Variants in OTUD7A observed in about 807,000 individuals in gnomAD.
OTUD7A encodes the protein OTU deubiquitinase 7A.
A neutral mutation model predicts 65.7 loss-of-function variants in OTUD7A; 12 were observed. The ratio of observed to expected loss-of-function variants is 0.18; its 90% CI spans 0.12 to 0.30. The LOEUF is 0.30. Among genes scored for constraint, OTUD7A ranks in the 10% least tolerant of loss-of-function variants. The pLI is 1.00. For synonymous variants in OTUD7A, 641 were observed against 586.3 expected, an observed-to-expected ratio of 1.09 and a Z score of -1.35; for missense variants, 1,148 against 1,304.8, an observed-to-expected ratio of 0.88 and a Z score of 1.85.
chr15:31,830,503 C>G (rs1502997), intron 1 of OTUD7A, among the ~76,000 whole-genome samples: 152,370 of 152,380 alleles, frequency 1, 76,180 homozygotes, highest in Non-Finnish European at 1. Flanking sequence ...GGCTCAGACT[C>G]GTCAATTTTG....
chr15:31,812,811 T>C (rs1182112617), intron 1 of OTUD7A, among the ~76,000 whole-genome samples: 2 of 152,184 alleles, frequency 1.3e-5, no homozygotes, highest in Non-Finnish European at 2.9e-5. Flanking sequence ...GGAGCTTTGC[T>C]AGTCCAAGCC....
At chr15:31,728,304 T>G (rs751156432) in intron 1 of OTUD7A, among the ~76,000 whole-genome samples, 3 of 152,190 alleles carry the variant, frequency 2.0e-5, no homozygotes, top group Non-Finnish European at 4.4e-5. Context: ...GGCTACTGGA[T>G]TCTCCCCATT....
chr15:31,807,697 G>GC (rs1191007978), intron 1 of OTUD7A, among the ~76,000 whole-genome samples: 1 of 152,060 alleles, frequency 6.6e-6, no homozygotes. Context: ...CATCAGCAGA[G>GC]CCCCCTGGAG....
chr15:31,845,998 C>T (rs922232935), intron 1 of OTUD7A, among the ~76,000 whole-genome samples: 3 of 152,330 alleles, frequency 2.0e-5, no homozygotes, highest in Middle Eastern at 3.4e-3. Context: ...CTCAGCTGTT[C>T]CAGGGGCTGC....
intron 1 of OTUD7A, among the ~76,000 whole-genome samples, chr15:31,864,048 G>A (rs564412101): frequency 1.2e-4 from 19 of 152,160 alleles, no homozygotes; most frequent in Admixed American, 1.3e-4. Context: ...CAGTCTCTTC[G>A]CTAAAACATA....
Position 31,484,112 on chromosome 15 carries a change from C to T in OTUD7A, c.1984G>A (p.Gly662Ser), listed in dbSNP as rs371398471. The T allele has an allele frequency of 8.7e-6, 14 of 1,606,124 alleles. No individual in the cohort carries two copies. Among genetic ancestry groups the T allele is most frequent in the African/African-American group, 6.7e-5 (5 of 74,822 alleles). ...TCCTGCGCGCTCGTCAGGTAGTAGC[C>T]GATCATCTCCTCGTGGAACTGGTGC... Reference protein sequence around the residue: ...HRHQFHEEMIGYYLTSAQERF... With the variant: ...HRHQFHEEMISYYLTSAQERF... Residue 662 changes from glycine to serine, a missense_variant, in exon 13 of 13, where the codon GGC (glycine) becomes AGC (serine). Physicochemically the swap from Gly to Ser is moderately conservative, Grantham distance 56 (BLOSUM62 0). This residue lies in a region of OTUD7A where 842 missense variants were observed against 769.5 expected (regional missense o/e 1.09). Coordinates refer to ENST00000307050, the MANE Select transcript of OTUD7A (RefSeq NM_001382637.1). The surrounding 1 kb of genome is among the most constrained non-coding windows in gnomAD (Gnocchi z 4.5).
chr15:31,752,485 G>T (rs1300122416), intron 1 of OTUD7A, among the ~76,000 whole-genome samples: 1 of 152,104 alleles, frequency 6.6e-6, no homozygotes, highest in Non-Finnish European at 1.5e-5. Flanking sequence ...TGAACATTTT[G>T]TACTCTGTTA....
At chr15:31,659,120 A>G (rs1168270212) in intron 1 of OTUD7A, among the ~76,000 whole-genome samples, 3 of 152,214 alleles carry the variant, frequency 2.0e-5, no homozygotes, top group Non-Finnish European at 4.4e-5. Flanking sequence ...AAGCTCAAAT[A>G]AAACACTGCT....
At chr15:31,713,898 T>C (rs911679607) in intron 1 of OTUD7A, among the ~76,000 whole-genome samples, 1 of 148,982 alleles carries the variant, frequency 6.7e-6, no homozygotes, top group Non-Finnish European at 1.5e-5. Flanking sequence ...TGCTCAACCT[T>C]ATTAGTCATC....
chr15:31,775,675 C>T (rs566976012), intron 1 of OTUD7A, among the ~76,000 whole-genome samples: 1 of 152,286 alleles, frequency 6.6e-6, no homozygotes, highest in Non-Finnish European at 1.5e-5. Context: ...CTCCTAACCC[C>T]GTTCTACTAA....
At chr15:31,758,973 G>A (rs1255537827) in intron 1 of OTUD7A, among the ~76,000 whole-genome samples, 3 of 152,188 alleles carry the variant, frequency 2.0e-5, no homozygotes, top group Admixed American at 6.5e-5. Flanking sequence ...CCCCCTCCAG[G>A]GTTTAGAATC....
At chr15:31,801,013 A>G (rs1896108710) in intron 1 of OTUD7A, among the ~76,000 whole-genome samples, 2 of 151,600 alleles carry the variant, frequency 1.3e-5, no homozygotes, top group African/African-American at 4.9e-5. Context: ...CCTACAGAAA[A>G]TACACACGCA....
intron 1 of OTUD7A, among the ~76,000 whole-genome samples, chr15:31,744,337 A>G (rs894972577): frequency 6.6e-6 from 1 of 152,180 alleles, no homozygotes; most frequent in East Asian, 1.9e-4. Flanking sequence ...CAACATGAAC[A>G]TTGCCATAAT....
intron 1 of OTUD7A, among the ~76,000 whole-genome samples, chr15:31,739,694 G>A (rs1170207665): frequency 1.3e-5 from 2 of 152,116 alleles, no homozygotes; most frequent in Admixed American, 6.6e-5. Flanking sequence ...CCAGAATCAA[G>A]TGATTCTTGT....
chr15:31,778,849 T>C (rs1213981823), intron 1 of OTUD7A, among the ~76,000 whole-genome samples: 9 of 152,162 alleles, frequency 5.9e-5, no homozygotes, highest in African/African-American at 2.4e-5. Flanking sequence ...TCAAGTATAA[T>C]GTCTTCACTA....
intron 1 of OTUD7A, among the ~76,000 whole-genome samples, chr15:31,720,490 C>T (rs558162417): frequency 6.6e-6 from 1 of 151,872 alleles, no homozygotes; most frequent in Non-Finnish European, 1.5e-5. Context: ...GGCTCTGCCC[C>T]CCGGGGTTCA....
intron 9 of OTUD7A, among the ~76,000 whole-genome samples, chr15:31,503,097 C>T (rs1356346782): frequency 1.3e-5 from 2 of 152,250 alleles, no homozygotes; most frequent in African/African-American, 4.8e-5. Flanking sequence ...GCTTCAGTTT[C>T]ATCTCTGTAA....
chr15:31,657,157 G>A (rs1892016532), intron 1 of OTUD7A, 80 bp from the exon 2 acceptor site: 1 of 152,694 alleles, frequency 6.5e-6, no homozygotes, highest in African/African-American at 2.4e-5. Flanking sequence ...TTTTGTCACA[G>A]GAGGCTGGAT....
intron 1 of OTUD7A, among the ~76,000 whole-genome samples, chr15:31,854,852 A>G (rs1897525910): frequency 6.6e-6 from 1 of 152,146 alleles, no homozygotes; most frequent in East Asian, 1.9e-4. Flanking sequence ...AGAGATCATA[A>G]ACCAACAGAA....
Sources: gnomAD v4.1 joint callset for allele counts (sites outside exome capture counted in the v4.1 genomes callset) on GRCh38, gnomAD v4.1.1 for gene constraint, gnomAD v4.1.1 regional missense constraint, Gnocchi (gnomAD v3.1) non-coding constraint, MANE v1.5 for transcripts, NCBI Gene and HGNC (gene_info 2026-07-23, HGNC 2026-07-21) for gene names.